KCNN2: variants seen among roughly 807,000 people sequenced by gnomAD.
The protein encoded by KCNN2 is potassium calcium-activated channel subfamily N member 2.
In KCNN2, 24 loss-of-function variants were observed where a neutral mutation model predicts 55.5. That is an observed-to-expected ratio of 0.43 (90% confidence interval 0.31 to 0.61). The LOEUF is 0.61. Ranked by LOEUF, KCNN2 falls within the 20% of genes least tolerant of loss-of-function variation. The pLI is 0.08. For missense variants in KCNN2, 754 were observed against 853.6 expected (o/e 0.88, Z 1.45); for synonymous variants, 431 against 336.1 (o/e 1.28, Z -3.09).
At chr5:114,349,857 C>T (rs1396490496) in intron 2 of KCNN2, among the ~76,000 whole-genome samples, 1 of 152,034 alleles carries the variant, frequency 6.6e-6, no homozygotes, top group Non-Finnish European at 1.5e-5. Flanking sequence ...TCCCATTTTA[C>T]ATTCCCACGA....
intron 3 of KCNN2, among the ~76,000 whole-genome samples, chr5:114,449,507 G>A (rs536034600): frequency 2.0e-5 from 3 of 152,232 alleles, no homozygotes; most frequent in East Asian, 1.9e-4. Flanking sequence ...TGTTATCTCC[G>A]TGCTCACAGC....
chr5:114,472,770 A>C (rs746757731), intron 4 of KCNN2, among the ~76,000 whole-genome samples: 57 of 152,196 alleles, frequency 3.7e-4, no homozygotes, highest in Non-Finnish European at 6.3e-4. Context: ...TTTTTTAAAA[A>C]GTCTCCAAAA....
At chr5:114,436,912 A>C (rs530208564) in intron 3 of KCNN2, among the ~76,000 whole-genome samples, 2 of 152,122 alleles carry the variant, frequency 1.3e-5, no homozygotes, top group African/African-American at 4.8e-5. Flanking sequence ...GAGGAATTGT[A>C]TTTTTTATTT....
At chr5:114,155,450 G>A (rs938233260) in intron 1 of KCNN2, among the ~76,000 whole-genome samples, 2 of 152,136 alleles carry the variant, frequency 1.3e-5, no homozygotes, top group African/African-American at 4.8e-5. Context: ...TTAGGTCTTT[G>A]AGGAATTGCC....
At chr5:114,277,617 C>T (rs1280487981) in intron 2 of KCNN2, among the ~76,000 whole-genome samples, 1 of 152,140 alleles carries the variant, frequency 6.6e-6, no homozygotes, top group Admixed American at 6.5e-5. Flanking sequence ...CTTTCTTTTG[C>T]TTGATCAAAT....
At chr5:114,380,893 G>C (rs1257322255) in intron 2 of KCNN2, among the ~76,000 whole-genome samples, 1 of 152,128 alleles carries the variant, frequency 6.6e-6, no homozygotes, top group African/African-American at 2.4e-5. Flanking sequence ...GCTCCCTGGG[G>C]GCAGGCATCA....
intron 3 of KCNN2, among the ~76,000 whole-genome samples, chr5:114,443,590 T>C (rs1462627844): frequency 6.6e-6 from 1 of 152,260 alleles, no homozygotes; most frequent in African/African-American, 2.4e-5. Flanking sequence ...GCATAAAATA[T>C]TTAATTTCCT....
At chr5:114,481,072 A>C (rs575158374) in intron 5 of KCNN2, among the ~76,000 whole-genome samples, 22 of 152,326 alleles carry the variant, frequency 1.4e-4, no homozygotes, top group Non-Finnish European at 1.5e-5. Flanking sequence ...TTACCTTTGC[A>C]GATGACATGA....
chr5:114,461,160 T>C (rs772168646), intron 3 of KCNN2, among the ~76,000 whole-genome samples: 1 of 152,198 alleles, frequency 6.6e-6, no homozygotes. Context: ...TTAGCTCATA[T>C]TGTGGCTGAG....
intron 3 of KCNN2, among the ~76,000 whole-genome samples, chr5:114,422,699 TTCAG>T (rs1759505108): frequency 6.6e-6 from 1 of 152,206 alleles, no homozygotes; most frequent in Non-Finnish European, 1.5e-5. Flanking sequence ...TTAAATACCC[TTCAG>T]TAAGTCTGAC....
intron 2 of KCNN2, among the ~76,000 whole-genome samples, chr5:114,391,732 G>A (rs552617252): frequency 1.7e-4 from 26 of 152,098 alleles, no homozygotes; most frequent in African/African-American, 5.3e-4. Flanking sequence ...TCTTTACATA[G>A]CACATTAATG....
intron 2 of KCNN2, among the ~76,000 whole-genome samples, chr5:114,273,858 T>C (rs1755424781): frequency 6.6e-6 from 1 of 152,246 alleles, no homozygotes. Flanking sequence ...ATTAATTAGA[T>C]CCCATTTGTC....
At chr5:114,140,260 C>T (rs1752249527) in intron 1 of KCNN2, among the ~76,000 whole-genome samples, 1 of 152,102 alleles carries the variant, frequency 6.6e-6, no homozygotes, top group African/African-American at 2.4e-5. Context: ...ATTTTGCTGA[C>T]ATATAGTACG....
intron 3 of KCNN2, among the ~76,000 whole-genome samples, chr5:114,459,482 A>G (rs1299993869): frequency 6.6e-6 from 1 of 152,242 alleles, no homozygotes; most frequent in African/African-American, 2.4e-5. Flanking sequence ...TGAATCTGTC[A>G]TAGATTAAAA....
At chr5:114,094,078 TG>T (rs149331516) in intron 1 of KCNN2, among the ~76,000 whole-genome samples, 1,586 of 152,330 alleles carry the variant, frequency 0.01, 37 homozygotes, top group African/African-American at 0.036. Flanking sequence ...TATATTTGTT[TG>T]TTTGGGTTGT....
chr5:114,085,283 T>C (rs975293943), intron 1 of KCNN2, among the ~76,000 whole-genome samples: 2 of 151,982 alleles, frequency 1.3e-5, no homozygotes, highest in African/African-American at 4.8e-5. Flanking sequence ...ATTTTAATTG[T>C]ATTGAATCTA....
chr5:114,066,309 A>G (rs1027379832), intron 1 of KCNN2, among the ~76,000 whole-genome samples: 2 of 152,186 alleles, frequency 1.3e-5, no homozygotes, highest in Admixed American at 6.5e-5. Flanking sequence ...TTGTGGCTCC[A>G]TGATAAAAAC....
At chr5:114,181,882 C>T (rs1407615031) in intron 1 of KCNN2, among the ~76,000 whole-genome samples, 5 of 152,036 alleles carry the variant, frequency 3.3e-5, no homozygotes, top group East Asian at 1.9e-4. Flanking sequence ...AGCGTTGTGG[C>T]GCACGCCTGT....
chr5:114,110,945 GA>G (rs1561480148), intron 1 of KCNN2, among the ~76,000 whole-genome samples: 1 of 151,450 alleles, frequency 6.6e-6, no homozygotes, highest in East Asian at 2.0e-4. Flanking sequence ...CTCAGAATTG[GA>G]AAAAACTACT....
Sources: gnomAD v4.1 joint callset for allele counts (sites outside exome capture counted in the v4.1 genomes callset) on GRCh38, gnomAD v4.1.1 for gene constraint, MANE v1.5 for transcripts, NCBI Gene and HGNC (gene_info 2026-07-23, HGNC 2026-07-21) for gene names.